FBXO4: variants seen among roughly 807,000 people sequenced by gnomAD.
FBXO4 encodes F-box protein 4.
FBXO4 carries 36 observed loss-of-function variants against 43.7 expected under a neutral mutation model. That is an observed-to-expected ratio of 0.82 (90% CI 0.63 to 1.09). The LOEUF is 1.09. Among genes scored for constraint, FBXO4 ranks in the 50% least tolerant of loss-of-function variants. The pLI is 0.00. For missense variants in FBXO4, 435 were observed against 474.1 expected, an observed-to-expected ratio of 0.92 and a Z score of 0.77; for synonymous variants, 180 against 165.6, an observed-to-expected ratio of 1.09 and a Z score of -0.67.
the FBXO4 span, among the ~76,000 whole-genome samples, chr5:41,985,153 C>G: frequency 6.6e-6 from 1 of 152,280 alleles, no homozygotes; most frequent in Admixed American, 6.5e-5. Flanking sequence ...ATTTTTCTAT[C>G]GTCAAATCAG....
chr5:42,020,655 G>T, the FBXO4 span, among the ~76,000 whole-genome samples: 1 of 152,162 alleles, frequency 6.6e-6, no homozygotes, highest in Non-Finnish European at 1.5e-5. Flanking sequence ...AGGAATTGCT[G>T]TACATCCAGC....
At chr5:41,975,426 G>A in the FBXO4 span, among the ~76,000 whole-genome samples, 1 of 152,166 alleles carries the variant, frequency 6.6e-6, no homozygotes, top group Non-Finnish European at 1.5e-5. Flanking sequence ...TTGTTGCTTT[G>A]TTCTACTGAA....
the FBXO4 span, among the ~76,000 whole-genome samples, chr5:41,989,258 T>C: frequency 6.6e-6 from 1 of 152,108 alleles, no homozygotes; most frequent in East Asian, 1.9e-4. Flanking sequence ...AAAAAGTAGA[T>C]TCAAATGTCA....
rs750581991 is a variant in FBXO4 at position 41,935,479 on chromosome 5, AG to A, written c.898+1174del. On this transcript the variant is annotated intron_variant, in intron 5 of 6. Coordinates refer to ENST00000281623, the MANE Select transcript of FBXO4 (RefSeq NM_012176.3). ...ACAAAAGTTGACTGCTGCTGTCTCAAGGGAGATAGAAACAAAAGCTGTCTTA... is the reference window on the plus strand; with the variant it reads ...ACAAAAGTTGACTGCTGCTGTCTCAAGGAGATAGAAACAAAAGCTGTCTTA... Among the ~76,000 whole-genome samples, 6 of 152,262 alleles carry A rather than the reference AG, an allele frequency of 3.9e-5. No individual in the cohort carries two copies. In the East Asian group the frequency reaches 7.7e-4, roughly 19 times the overall value.
At chr5:41,943,519 G>A (rs1752034554), downstream of FBXO4, among the ~76,000 whole-genome samples, 1 of 152,012 alleles carries the variant, frequency 6.6e-6, no homozygotes, top group African/African-American at 2.4e-5. Context: ...TTCTCTGTGG[G>A]AAGGCCTCAA....
chr5:41,966,639 A>C, the FBXO4 span, among the ~76,000 whole-genome samples: 1 of 152,184 alleles, frequency 6.6e-6, no homozygotes, highest in African/African-American at 2.4e-5. Flanking sequence ...CTACTTAGAC[A>C]GACCTGGTTA....
the FBXO4 span, among the ~76,000 whole-genome samples, chr5:41,988,129 G>T: frequency 6.6e-6 from 1 of 152,126 alleles, no homozygotes. Context: ...GGGGGGGAGA[G>T]AAAATGTTGT....
chr5:42,023,974 A>G, the FBXO4 span, among the ~76,000 whole-genome samples: 67 of 152,098 alleles, frequency 4.4e-4, no homozygotes, highest in African/African-American at 1.6e-3. Context: ...TGTTGGCTGT[A>G]TATATACATG....
chr5:41,935,163 A>C, intron 5 of FBXO4: 1 of 982,702 alleles, frequency 1.0e-6, no homozygotes, highest in Non-Finnish European at 1.2e-6. Flanking sequence ...ACTAAAACAG[A>C]TATAGCCCCT....
At chr5:41,961,824 G>A in the FBXO4 span, among the ~76,000 whole-genome samples, 1 of 152,322 alleles carries the variant, frequency 6.6e-6, no homozygotes, top group Admixed American at 6.5e-5. Context: ...GACAAGAACA[G>A]CTGTTTGTTG....
chr5:41,999,533 A>AAG, the FBXO4 span, among the ~76,000 whole-genome samples: 1 of 102,174 alleles, frequency 9.8e-6, no homozygotes, highest in African/African-American at 5.3e-5. Context: ...ACATATATAT[A>AAG]TACATATATA....
At chr5:41,987,587 G>A in the FBXO4 span, among the ~76,000 whole-genome samples, 8 of 152,258 alleles carry the variant, frequency 5.3e-5, no homozygotes, top group South Asian at 1.2e-3. Flanking sequence ...ACAAGCCTGC[G>A]TGCCATCTCA....
chr5:42,037,278 G>A, the FBXO4 span, among the ~76,000 whole-genome samples: 4 of 151,984 alleles, frequency 2.6e-5, no homozygotes, highest in Non-Finnish European at 4.4e-5. Flanking sequence ...CAGGATGAGA[G>A]GCAAGGTTAT....
the FBXO4 span, among the ~76,000 whole-genome samples, chr5:41,998,312 T>C: frequency 9.9e-5 from 15 of 152,250 alleles, no homozygotes; most frequent in Non-Finnish European, 1.8e-4. Flanking sequence ...CCTTCAAAGA[T>C]GCAGGTGCTG....
the FBXO4 span, among the ~76,000 whole-genome samples, chr5:41,963,446 G>A: frequency 0.057 from 8,659 of 152,094 alleles, 272 homozygotes; most frequent in African/African-American, 0.078. Context: ...CTTGAACAAC[G>A]TGAGGGTTAG....
the FBXO4 span, among the ~76,000 whole-genome samples, chr5:42,015,331 T>A: frequency 3.3e-5 from 5 of 152,338 alleles, no homozygotes; most frequent in East Asian, 9.6e-4. Flanking sequence ...ACATTTCTAT[T>A]ACTTTTCCTT....
At chr5:41,964,880 T>G in the FBXO4 span, among the ~76,000 whole-genome samples, 1 of 152,198 alleles carries the variant, frequency 6.6e-6, no homozygotes, top group South Asian at 2.1e-4. Flanking sequence ...AGAAGCTCTT[T>G]AGTTTAACTA....
chr5:41,934,317 T>TCATA lies in FBXO4; in HGVS notation c.898+10_898+13dup. 1 of 1,613,956 alleles carries TCATA rather than the reference T, an allele frequency of 6.2e-7. No homozygotes were observed. Among genetic ancestry groups the TCATA allele is most frequent in the Non-Finnish European group, 8.5e-7 (1 of 1,179,984 alleles). ...TGCTGAAGCTCATAAAAGTAAGTAC[T>TCATA]CATATGTACATTTTTAAGCACATTG... is the stretch of plus-strand genomic sequence containing the variant. On this transcript the variant is annotated intron_variant, in intron 5 of 6. Transcript: ENST00000281623.
the FBXO4 span, among the ~76,000 whole-genome samples, chr5:41,958,442 A>G: frequency 1.3e-5 from 2 of 152,162 alleles, no homozygotes; most frequent in African/African-American, 4.8e-5. Context: ...AGCAATTTTT[A>G]GGTATACAAT....
Sources: allele counts gnomAD v4.1 joint callset (sites outside exome capture counted in the v4.1 genomes callset), GRCh38; gene constraint gnomAD v4.1.1; transcripts MANE v1.5; gene names NCBI Gene and HGNC (gene_info 2026-07-23, HGNC 2026-07-21).